Variants in POLA1 observed in about 807,000 individuals in gnomAD.
POLA1 encodes the protein DNA polymerase alpha 1, catalytic subunit.
POLA1 carries 15 observed loss-of-function variants against 124.0 expected under a neutral mutation model. The ratio of observed to expected loss-of-function variants is 0.12; its 90% CI spans 0.08 to 0.19. The LOEUF (loss-of-function observed/expected upper bound fraction) is 0.19, where lower values mean the gene tolerates loss of function less well. Ranked by LOEUF, POLA1 falls within the 10% of genes least tolerant of loss-of-function variation. The pLI is 1.00. For synonymous variants in POLA1, 408 were observed against 389.4 expected (o/e 1.05, Z -0.56); for missense variants, 886 against 1,103.4 (o/e 0.80, Z 2.79).
intron 36 of POLA1, among the ~76,000 whole-genome samples, chrX:24,947,964 G>T (rs1283624976): frequency 8.9e-6 from 1 of 111,854 alleles, no homozygotes; most frequent in Non-Finnish European, 1.9e-5. Context: ...ATCTATTCCT[G>T]GTTTGTCGCT....
At chrX:24,927,491 C>T (rs963412614) in intron 35 of POLA1, among the ~76,000 whole-genome samples, 4 of 111,442 alleles carry the variant, frequency 3.6e-5, no homozygotes, top group Non-Finnish European at 7.5e-5. Flanking sequence ...TGAGTGCACC[C>T]GTGGCCCACC....
intron 31 of POLA1, among the ~76,000 whole-genome samples, chrX:24,824,462 T>A: frequency 1.2e-5 from 1 of 85,289 alleles, no homozygotes; most frequent in South Asian, 5.1e-4. Flanking sequence ...CTGGCTAACT[T>A]TTTTTTTTTT....
chrX:24,799,156 G>A (rs952052014), intron 26 of POLA1, among the ~76,000 whole-genome samples: 1 of 112,314 alleles, frequency 8.9e-6, no homozygotes, highest in Admixed American at 9.4e-5. Context: ...ATTTGAAGAA[G>A]AGAGTAATTA....
At chrX:24,711,264 A>G (rs1929408920) in intron 4 of POLA1, among the ~76,000 whole-genome samples, 1 of 112,695 alleles carries the variant, frequency 8.9e-6, no homozygotes, top group South Asian at 3.6e-4. Flanking sequence ...GATTACAGGC[A>G]TGAGCCACGG....
At position 24,815,028 on chromosome X, in the gene POLA1, G is replaced by A. The variant is rs759683770; in HGVS notation, c.3346G>A (p.Glu1116Lys). Residue 1116 changes from glutamate to lysine, a missense_variant, in exon 30 of 37, where the codon GAA becomes AAA. By Grantham distance (56) the Glu-to-Lys change is moderately conservative (BLOSUM62 1). This residue lies in a region of POLA1 where 313 missense variants were observed against 359.7 expected (regional missense o/e 0.87). Transcript: ENST00000379068. ...LSDQSRDTIV[E>K]NIQKRLIEIG... is the part of the protein sequence containing the mutation. The stretch of plus-strand genomic sequence containing the variant: ...TGATCAAAGCCGGGACACTATAGTG[G>A]AAAACATTCAGAAGAGGCTGATAGA... 8.3e-7 allele frequency: 1 copy of A among 1,198,031 alleles called. No homozygotes were observed. The highest frequency in any genetic ancestry group is 1.8e-5 in the South Asian group (1 of 55,969).
At chrX:24,948,743 G>A (rs1287145646) in intron 36 of POLA1, among the ~76,000 whole-genome samples, 2 of 111,792 alleles carry the variant, frequency 1.8e-5, no homozygotes, top group Non-Finnish European at 3.8e-5. Context: ...ATTACTGGGA[G>A]AATTAAAAGA....
chrX:24,750,859 C>T (rs1433696016), intron 26 of POLA1, among the ~76,000 whole-genome samples: 1 of 111,286 alleles, frequency 9.0e-6, no homozygotes, highest in Non-Finnish European at 1.9e-5. Context: ...ATTTTTGGTA[C>T]CCATCTCAAG....
intron 35 of POLA1, among the ~76,000 whole-genome samples, chrX:24,930,180 A>T (rs1957429795): frequency 8.9e-6 from 1 of 112,481 alleles, no homozygotes; most frequent in South Asian, 3.7e-4. Context: ...AGTTTGACAA[A>T]ATCAGGTTTT....
At chrX:24,913,727 A>T (rs1391112235) in intron 35 of POLA1, among the ~76,000 whole-genome samples, 4 of 96,816 alleles carry the variant, frequency 4.1e-5, no homozygotes, top group Admixed American at 3.4e-4. Context: ...AAAAAAACAA[A>T]AAAAAAACAG....
At chrX:24,909,458 A>G (rs945767925) in intron 35 of POLA1, among the ~76,000 whole-genome samples, 4 of 111,740 alleles carry the variant, frequency 3.6e-5, no homozygotes, top group African/African-American at 9.8e-5. Flanking sequence ...ACATATGGCT[A>G]GCCAGTTTTC....
chrX:24,866,758 G>A (rs2046799677), intron 34 of POLA1, among the ~76,000 whole-genome samples: 1 of 112,132 alleles, frequency 8.9e-6, no homozygotes, highest in African/African-American at 3.2e-5. Context: ...AGTTGAATTT[G>A]CCAAACTCTT....
At chrX:24,905,913 A>G (rs747225322) in intron 35 of POLA1, among the ~76,000 whole-genome samples, 5 of 112,056 alleles carry the variant, frequency 4.5e-5, no homozygotes, top group Non-Finnish European at 9.4e-5. Context: ...AAGAAATGGA[A>G]CATGTAAATT....
intron 20 of POLA1, among the ~76,000 whole-genome samples, chrX:24,740,825 C>G (rs1032441365): frequency 8.9e-6 from 1 of 111,893 alleles, no homozygotes; most frequent in Admixed American, 9.5e-5. Context: ...TCCACTGTTT[C>G]CTAACAAAAA....
At position 24,710,279 on chromosome X, in the gene POLA1, ATC is replaced by A. The variant is rs1016813854; in HGVS notation, c.347-4269_347-4268del. On this transcript the variant is annotated intron_variant, in intron 4 of 36. Transcript: ENST00000379068. ...TGTACCCATTAGCAGTCACTCCCCA[ATC>A]TCTCTTCCCCCAGAGCCTGACAACC... Among the ~76,000 whole-genome samples, 5 of 111,484 alleles carry A rather than the reference ATC, an allele frequency of 4.5e-5. No homozygotes were observed. The Admixed American group carries it at 4.7e-4, about 11-fold the overall frequency.
chrX:24,934,063 G>A (rs1410881592), intron 36 of POLA1, among the ~76,000 whole-genome samples: 1 of 111,898 alleles, frequency 8.9e-6, no homozygotes, highest in Non-Finnish European at 1.9e-5. Flanking sequence ...AATCTATGAA[G>A]TAAAAATCCA....
At chrX:24,728,338 T>C (rs1930671910) in intron 15 of POLA1, among the ~76,000 whole-genome samples, 1 of 111,894 alleles carries the variant, frequency 8.9e-6, no homozygotes, top group African/African-American at 3.3e-5. Flanking sequence ...TGAACCTTGG[T>C]ATGCTTCTCT....
At position 24,741,523 on chromosome X, in the gene POLA1, G is replaced by A. The variant is rs770666657; in HGVS notation, c.2346+19G>A. Reference sequence around the variant, plus strand: ...CATTATGGTAAATTTAACTTAGAAAGGGGGAAAAAGCATTTCCTGTTGGAT... The same window carrying A: ...CATTATGGTAAATTTAACTTAGAAAAGGGGAAAAAGCATTTCCTGTTGGAT... On this transcript the variant is annotated intron_variant, in intron 21 of 36. Transcript: ENST00000379068. 1 of 1,187,036 alleles carries A rather than the reference G, an allele frequency of 8.4e-7. No individual in the cohort carries two copies. The highest frequency in any genetic ancestry group is 1.1e-6 in the Non-Finnish European group (1 of 874,769).
chrX:24,758,481 C>T (rs1203307295), intron 26 of POLA1, among the ~76,000 whole-genome samples: 1 of 111,258 alleles, frequency 9.0e-6, no homozygotes, highest in African/African-American at 3.3e-5. Context: ...CCTCTGTGTG[C>T]CTTTTAGGTT....
rs184563031 is a variant in POLA1 at position 24,871,086 on chromosome X, A to C, written c.4048-16920A>C. On this transcript the variant is annotated intron_variant, in intron 34 of 36. Transcript: ENST00000379068. The stretch of plus-strand genomic sequence containing the variant: ...TGTCAGGATTAACAACTAATGATTG[A>C]TACATATATATATTTTAAGCCTTTT... Among the ~76,000 whole-genome samples, 820 of 111,773 alleles carry C rather than the reference A, an allele frequency of 7.3e-3. 3 individuals are homozygous for C. Among genetic ancestry groups the C allele is most frequent in the African/African-American group, 0.025 (755 of 30,796 alleles).
Sources: allele counts gnomAD v4.1 joint callset (sites outside exome capture counted in the v4.1 genomes callset), GRCh38; gene constraint gnomAD v4.1.1; regional missense constraint gnomAD v4.1.1; transcripts MANE v1.5; gene names NCBI Gene and HGNC (gene_info 2026-07-23, HGNC 2026-07-21).